AKAP13: variants seen among roughly 807,000 people sequenced by gnomAD.
The protein encoded by AKAP13 is A-kinase anchoring protein 13.
A neutral mutation model predicts 264.5 loss-of-function variants in AKAP13; 80 were observed. The observed-to-expected ratio is 0.30, with a 90% CI of 0.25 to 0.36. The LOEUF is 0.36. Among genes scored for constraint, AKAP13 ranks in the 10% least tolerant of loss-of-function variants. AKAP13 has a pLI of 1.00. For missense variants in AKAP13, 3,712 were observed against 3,435.2 expected (o/e 1.08, Z -2.01); for synonymous variants, 1,380 against 1,250.2 (o/e 1.10, Z -2.19).
At chr15:85,567,231 C>G (rs2078637224) in intron 5 of AKAP13, among the ~76,000 whole-genome samples, 1 of 152,018 alleles carries the variant, frequency 6.6e-6, no homozygotes, top group African/African-American at 2.4e-5. Flanking sequence ...CCTCAGCCTC[C>G]CGAGTAGCTG....
At chr15:85,638,796 G>A (rs1186475630) in intron 8 of AKAP13, among the ~76,000 whole-genome samples, 2 of 150,628 alleles carry the variant, frequency 1.3e-5, no homozygotes, top group African/African-American at 2.4e-5. Context: ...GTCTTGCTCC[G>A]CCCAGGCTGG....
intron 10 of AKAP13, 104 bp from the exon 11 acceptor site, chr15:85,655,312 AC>A (rs1159936324): frequency 1.4e-6 from 2 of 1,415,194 alleles, no homozygotes; most frequent in Non-Finnish European, 1.9e-6. Context: ...TTATGATCTT[AC>A]CTGCCTGGAA....
At chr15:85,403,586 A>T (rs1446041120) in intron 1 of AKAP13, among the ~76,000 whole-genome samples, 1 of 152,110 alleles carries the variant, frequency 6.6e-6, no homozygotes, top group African/African-American at 2.4e-5. Context: ...CATGCCTGTA[A>T]TCCCAGCCCT....
chr15:85,482,600 G>T (rs2075385635), intron 1 of AKAP13, among the ~76,000 whole-genome samples: 1 of 152,134 alleles, frequency 6.6e-6, no homozygotes, highest in Admixed American at 6.5e-5. Context: ...TACGATGTGG[G>T]GGGAAAAACA....
intron 2 of AKAP13, among the ~76,000 whole-genome samples, chr15:85,504,963 T>C (rs186183951): frequency 2.6e-5 from 4 of 152,070 alleles, no homozygotes; most frequent in Non-Finnish European, 1.5e-5. Flanking sequence ...TCTCTTTTGC[T>C]CTCACTCTCT....
chr15:85,735,206 C>A, intron 31 of AKAP13, 56 bp downstream of exon 31: 1 of 1,567,852 alleles, frequency 6.4e-7, no homozygotes, highest in Non-Finnish European at 8.6e-7. Flanking sequence ...TCTCACACAA[C>A]TCAAAATGAC....
intron 8 of AKAP13, among the ~76,000 whole-genome samples, chr15:85,637,700 A>G (rs2082124033): frequency 6.6e-6 from 1 of 152,074 alleles, no homozygotes; most frequent in Non-Finnish European, 1.5e-5. Flanking sequence ...TTCATAAGGT[A>G]GAAGTTTAGA....
intron 14 of AKAP13, among the ~76,000 whole-genome samples, chr15:85,677,647 GT>G (rs71891857): frequency 0.22 from 29,717 of 136,568 alleles, 4,342 homozygotes; most frequent in East Asian, 0.54. Context: ...TGTGTGTTGT[GT>G]TTTTTTTTTT....
chr15:85,606,981 C>A lies in AKAP13; in HGVS notation c.4161+21158C>A, dbSNP rs1049013964. ...TTTTAAGTTCAATCCAAATTAGGCACTTGGGGATTGGCCAGGAAAAATCTA... is the reference window on the plus strand; with the variant it reads ...TTTTAAGTTCAATCCAAATTAGGCAATTGGGGATTGGCCAGGAAAAATCTA... On this transcript the variant is annotated intron_variant, in intron 8 of 36. Transcript: ENST00000394518. 5.3e-5 allele frequency among the ~76,000 whole-genome samples: 8 copies of A among 151,942 alleles called. No homozygotes were observed. In the East Asian group the frequency reaches 1.3e-3, roughly 26 times the overall value.
At position 85,708,166 on chromosome 15, in the gene AKAP13, G is replaced by C; in HGVS notation, c.5532+80G>C. The C allele has an allele frequency of 3.7e-6, 5 of 1,339,334 alleles. No individual in the cohort carries two copies. Among genetic ancestry groups the C allele is most frequent in the Non-Finnish European group, 5.2e-6 (5 of 960,888 alleles). 83.0% of individuals were successfully genotyped at this position (1,339,334 alleles called of 1,614,324 possible). A position where few individuals can be genotyped will look rare whatever the true frequency, so the allele number is the denominator to read the frequency against. On this transcript the variant is annotated intron_variant, in intron 18 of 36. Transcript: ENST00000394518. This position sits in a 1 kb window ranked among gnomAD's most constrained non-coding sequence, Gnocchi z 4.3. The stretch of plus-strand genomic sequence containing the variant: ...ATCCTCGGGAGTTGGGAGAGTTGAG[G>C]TTGTGGTGGATTTTGTTTATTTTAA...
chr15:85,582,854 A>T, intron 7 of AKAP13: 1 of 985,442 alleles, frequency 1.0e-6, no homozygotes, highest in Non-Finnish European at 1.2e-6. Context: ...CTGCTGTCAC[A>T]GGGCAGACCT....
chr15:85,717,960 T>A, intron 21 of AKAP13, 47 bp from the exon 22 acceptor site: 1 of 1,588,030 alleles, frequency 6.3e-7, no homozygotes, highest in Non-Finnish European at 8.6e-7. Context: ...AGGCTTATTT[T>A]ACAGGTCACA....
chr15:85,555,560 T>A (rs958117252), intron 5 of AKAP13: 7 of 1,090,310 alleles, frequency 6.4e-6, no homozygotes, highest in Non-Finnish European at 3.7e-6. Context: ...TTTCTCTGGC[T>A]TTTTGCTGTA....
Position 85,579,479 on chromosome 15 carries a change from A to G in AKAP13, c.1411A>G (p.Thr471Ala). The stretch of plus-strand genomic sequence containing the variant: ...AGGTGAACTGGGAGGCATTTCAACA[A>G]CAAATGTCAGTACCCCAGACACTGC... ...SGGELGGISTTNVSTPDTAGE... is the reference protein window; with the variant it reads ...SGGELGGISTANVSTPDTAGE... Residue 471 changes from threonine (T) to alanine (A), a missense_variant, in exon 7 of 37, where the codon ACA becomes GCA. Physicochemically the swap from Thr to Ala is moderately conservative, Grantham distance 58. This residue lies in a region of AKAP13 where 2,759 missense variants were observed against 2,411.7 expected (regional missense o/e 1.14). Transcript: ENST00000394518. 2.5e-6 allele frequency: 4 copies of G among 1,614,186 alleles called. No homozygotes were observed. Among genetic ancestry groups the G allele is most frequent in the Non-Finnish European group, 1.7e-6 (2 of 1,180,034 alleles).
At chr15:85,632,216 C>T (rs2081869304) in intron 8 of AKAP13, among the ~76,000 whole-genome samples, 2 of 152,184 alleles carry the variant, frequency 1.3e-5, no homozygotes, top group South Asian at 4.1e-4. Context: ...ATTGCATAGC[C>T]AGCAGCATCA....
chr15:85,670,390 T>C (rs992946474), intron 14 of AKAP13, among the ~76,000 whole-genome samples: 6 of 151,720 alleles, frequency 4.0e-5, no homozygotes, highest in Non-Finnish European at 8.8e-5. Context: ...ATACTGGCCT[T>C]CTCTGGCTAC....
At chr15:85,555,569 T>A in intron 5 of AKAP13, 1 of 978,504 alleles carries the variant, frequency 1.0e-6, no homozygotes, top group Non-Finnish European at 1.4e-6. Flanking sequence ...CTTTTTGCTG[T>A]AACTCAACCT....
At chr15:85,441,723 A>G (rs1483450398) in intron 1 of AKAP13, among the ~76,000 whole-genome samples, 2 of 151,056 alleles carry the variant, frequency 1.3e-5, no homozygotes, top group Admixed American at 6.6e-5. Context: ...TTGCATGTGG[A>G]TATTTGCTTG....
At chr15:85,719,960 C>T (rs1317272315) in intron 23 of AKAP13, among the ~76,000 whole-genome samples, 1 of 151,598 alleles carries the variant, frequency 6.6e-6, no homozygotes, top group African/African-American at 2.4e-5. Context: ...GGGCTGGGCA[C>T]ACTGGCTCAC....
Sources: allele counts gnomAD v4.1 joint callset (sites outside exome capture counted in the v4.1 genomes callset), GRCh38; gene constraint gnomAD v4.1.1; regional missense constraint gnomAD v4.1.1; non-coding constraint Gnocchi (gnomAD v3.1); transcripts MANE v1.5; gene names NCBI Gene and HGNC (gene_info 2026-07-23, HGNC 2026-07-21).